The following CACNG2 variants were observed in gnomAD, a reference collection of about 807,000 sequenced individuals.
The protein encoded by CACNG2 is calcium voltage-gated channel auxiliary subunit gamma 2, also known as voltage-dependent calcium channel gamma-2 subunit.
A neutral mutation model predicts 25.9 loss-of-function variants in CACNG2; 3 were observed. The observed-to-expected ratio is 0.12, with a 90% confidence interval of 0.05 to 0.30. The LOEUF (loss-of-function observed/expected upper bound fraction) is 0.30, where lower values mean the gene tolerates loss of function less well. CACNG2 is among the 10% of genes least tolerant of loss of function. The pLI is 1.00. For synonymous variants in CACNG2, 167 were observed against 173.3 expected (o/e 0.96, Z 0.29); for missense variants, 341 against 432.5 (o/e 0.79, Z 1.88).
At chr22:36,630,667 G>A (rs749502263) in intron 1 of CACNG2, among the ~76,000 whole-genome samples, 51 of 152,194 alleles carry the variant, frequency 3.4e-4, no homozygotes, top group Non-Finnish European at 5.9e-4. Context: ...CAACACTGTC[G>A]GGTATTATCT....
intron 1 of CACNG2, among the ~76,000 whole-genome samples, chr22:36,640,881 C>G (rs956314888): frequency 1.3e-5 from 2 of 152,158 alleles, no homozygotes; most frequent in African/African-American, 4.8e-5. Flanking sequence ...TCCTCCTCTT[C>G]TTCCCTGCTC....
Position 36,575,533 on chromosome 22 carries a change from G to A in CACNG2, c.296-9040C>T, listed in dbSNP as rs146912570. ...GGGTGGGCTGGTGGTCAGTGGGGGT[G>A]GGGATGTGACGACGGGGGGAGGTCA... is the stretch of plus-strand genomic sequence containing the variant. On this transcript the variant is annotated intron_variant, in intron 2 of 3. Coordinates refer to ENST00000300105, the MANE Select transcript of CACNG2 (RefSeq NM_006078.5). Among the ~76,000 whole-genome samples, 55 of 152,176 alleles carry A rather than the reference G, an allele frequency of 3.6e-4. No individual in the cohort carries two copies. The East Asian group carries it at 8.3e-3, about 23-fold the overall frequency.
At chr22:36,669,488 CAA>C (rs1936918857) in intron 1 of CACNG2, among the ~76,000 whole-genome samples, 1 of 101,890 alleles carries the variant, frequency 9.8e-6, no homozygotes, top group Non-Finnish European at 1.8e-5. Context: ...GCTTAGGAGA[CAA>C]GAGTGAAACT....
At chr22:36,641,515 A>G (rs1042827943) in intron 1 of CACNG2, among the ~76,000 whole-genome samples, 9 of 152,148 alleles carry the variant, frequency 5.9e-5, no homozygotes, top group South Asian at 2.1e-4. Context: ...CAACGCATTG[A>G]CTTTAATTCA....
chr22:36,664,553 G>C (rs1271741926), intron 1 of CACNG2, among the ~76,000 whole-genome samples: 1 of 152,180 alleles, frequency 6.6e-6, no homozygotes, highest in African/African-American at 2.4e-5. Flanking sequence ...TAAATGCCAG[G>C]GAGATCAACC....
chr22:36,604,774 G>A (rs376092780), intron 1 of CACNG2, among the ~76,000 whole-genome samples: 1 of 152,204 alleles, frequency 6.6e-6, no homozygotes, highest in Non-Finnish European at 1.5e-5. Context: ...ACAGTATAGT[G>A]TAAACATAAC....
chr22:36,656,015 C>T (rs1936701284), intron 1 of CACNG2, among the ~76,000 whole-genome samples: 1 of 152,046 alleles, frequency 6.6e-6, no homozygotes. Context: ...ACCATGTTGA[C>T]CAGGCTGGTC....
chr22:36,563,366 C>CGGGG lies in CACNG2; in HGVS notation c.*981_*984dup. ...GGAGGGAGAGCTGTTTCATGTCCCCCGGGGGGGGGGGTGGCATCTCCTGAC... is the reference window on the plus strand; with the variant it reads ...GGAGGGAGAGCTGTTTCATGTCCCCCGGGGGGGGGGGGGGGTGGCATCTCCTGAC... On this transcript the variant is annotated 3_prime_UTR_variant, in exon 4 of 4. Coordinates refer to ENST00000300105, the MANE Select transcript of CACNG2 (RefSeq NM_006078.5). Among the ~76,000 whole-genome samples the CGGGG allele has an allele frequency of 6.8e-6, 1 of 148,142 alleles. No homozygotes were observed. Among genetic ancestry groups the CGGGG allele is most frequent in the South Asian group, 2.2e-4 (1 of 4,530 alleles).
intron 2 of CACNG2, among the ~76,000 whole-genome samples, chr22:36,576,454 A>G (rs1247554875): frequency 6.6e-6 from 1 of 152,072 alleles, no homozygotes; most frequent in East Asian, 1.9e-4. Context: ...TGGGTGCACC[A>G]CAATCTCACA....
intron 2 of CACNG2, among the ~76,000 whole-genome samples, chr22:36,581,717 T>G (rs1935421912): frequency 6.6e-6 from 1 of 152,142 alleles, no homozygotes; most frequent in African/African-American, 2.4e-5. Context: ...CTTCTCCCCT[T>G]CTCTCTCTGT....
intron 1 of CACNG2, among the ~76,000 whole-genome samples, chr22:36,596,362 C>T (rs534591488): frequency 7.2e-5 from 11 of 152,346 alleles, no homozygotes; most frequent in African/African-American, 1.4e-4. Flanking sequence ...TGGGGCACAG[C>T]GCAGCCACCA....
chr22:36,579,220 C>T (rs1336108268), intron 2 of CACNG2, among the ~76,000 whole-genome samples: 3 of 151,964 alleles, frequency 2.0e-5, no homozygotes, highest in Non-Finnish European at 4.4e-5. Flanking sequence ...GCCTGACCAA[C>T]ATGGTAAAAA....
intron 1 of CACNG2, among the ~76,000 whole-genome samples, chr22:36,655,343 G>A (rs974714234): frequency 2.6e-5 from 4 of 152,126 alleles, no homozygotes; most frequent in African/African-American, 9.7e-5. Flanking sequence ...TTAAAGCCTC[G>A]ATCAAGCGTC....
rs1167868413 is a variant in CACNG2, at chr22:36,575,410, G to A, written c.296-8917C>T. On this transcript the variant is annotated intron_variant, in intron 2 of 3. Coordinates refer to ENST00000300105, the MANE Select transcript of CACNG2 (RefSeq NM_006078.5). ...GGGCCCCAGCCTCTCTGGCCATCAC[G>A]CTGTGACATGGTGCTTCATGGTGGG... is the stretch of plus-strand genomic sequence containing the variant. 3.9e-5 allele frequency among the ~76,000 whole-genome samples: 6 copies of A among 152,124 alleles called. No homozygotes were observed. In the East Asian group the frequency reaches 7.7e-4, roughly 20 times the overall value.
chr22:36,563,639 C>T lies in CACNG2; in HGVS notation c.*712G>A, dbSNP rs575436839. Among the ~76,000 whole-genome samples, 3 of 152,078 alleles carry T rather than the reference C, an allele frequency of 2.0e-5. No individual in the cohort carries two copies. Among genetic ancestry groups the T allele is most frequent in the Non-Finnish European group, 2.9e-5 (2 of 67,976 alleles). ...AAGGGCTCGGTCACCTGGAGGCCTACGATTGCCCCATCAATGCTGGGCGGA... is the reference window on the plus strand; with the variant it reads ...AAGGGCTCGGTCACCTGGAGGCCTATGATTGCCCCATCAATGCTGGGCGGA... On this transcript the variant is annotated 3_prime_UTR_variant, in exon 4 of 4. Transcript: ENST00000300105.
chr22:36,638,163 A>T (rs754468362), intron 1 of CACNG2, among the ~76,000 whole-genome samples: 2 of 152,026 alleles, frequency 1.3e-5, no homozygotes, highest in African/African-American at 2.4e-5. Flanking sequence ...GCACCCACCC[A>T]TTTCTCATCA....
rs146432794 is a variant in CACNG2 at position 36,681,423 on chromosome 22, T to G, written c.211+20943A>C. Among the ~76,000 whole-genome samples, 125 of 152,298 alleles carry G rather than the reference T, an allele frequency of 8.2e-4. 1 individual carries two copies. The highest frequency in any genetic ancestry group is 2.9e-3 in the African/African-American group (122 of 41,562). ...TTTAAAAAGGAAGAAGACAGGGAAT[T>G]TGAATCTTTGTCAGCACCTGGCTCT... On this transcript the variant is annotated intron_variant, in intron 1 of 3. Coordinates refer to ENST00000300105, the MANE Select transcript of CACNG2 (RefSeq NM_006078.5).
At chr22:36,599,186 T>C (rs1196957768) in intron 1 of CACNG2, among the ~76,000 whole-genome samples, 1 of 152,190 alleles carries the variant, frequency 6.6e-6, no homozygotes, top group Non-Finnish European at 1.5e-5. Flanking sequence ...TGATGTAATG[T>C]AGTGTACAGC....
At chr22:36,659,717 G>A (rs1164771789) in intron 1 of CACNG2, among the ~76,000 whole-genome samples, 1 of 152,104 alleles carries the variant, frequency 6.6e-6, no homozygotes, top group Non-Finnish European at 1.5e-5. Context: ...GATGTACTGA[G>A]ATAGGCTTTG....
Sources: allele counts gnomAD v4.1 joint callset (sites outside exome capture counted in the v4.1 genomes callset), GRCh38; gene constraint gnomAD v4.1.1; transcripts MANE v1.5; gene names NCBI Gene and HGNC (gene_info 2026-07-23, HGNC 2026-07-21).